The following FFAR4 variants were observed in gnomAD, a reference collection of about 807,000 sequenced individuals.
FFAR4 encodes the protein free fatty acid receptor 4, also known as G-protein coupled receptor 120.
In FFAR4, 19 loss-of-function variants were observed where a neutral mutation model predicts 27.0. That is an observed-to-expected ratio of 0.70 (90% confidence interval 0.49 to 1.03). The LOEUF is 1.03. Ranked by LOEUF, FFAR4 falls within the 50% of genes least tolerant of loss-of-function variation. The pLI, the probability that FFAR4 is intolerant of heterozygous loss-of-function variation, is 0.00. For synonymous variants in FFAR4, 254 were observed against 215.6 expected, an observed-to-expected ratio of 1.18 and a Z score of -1.56; for missense variants, 476 against 479.0, an observed-to-expected ratio of 0.99 and a Z score of 0.06.
At chr10:93,571,363 C>A (rs2058130735) in intron 1 of FFAR4, among the ~76,000 whole-genome samples, 2 of 152,218 alleles carry the variant, frequency 1.3e-5, no homozygotes, top group Admixed American at 1.3e-4. Context: ...TCCTTCTCTT[C>A]AAGGAGAAGC....
chr10:93,566,746 C>A lies in FFAR4; in HGVS notation c.26C>A (p.Ala9Glu). 1.2e-6 allele frequency: 2 copies of A among 1,601,042 alleles called. No individual in the cohort carries two copies. The highest frequency in any genetic ancestry group is 1.7e-6 in the Non-Finnish European group (2 of 1,176,630). ...ATGTCCCCTGAATGCGCGCGGGCAG[C>A]GGGCGACGCGCCCTTGCGCAGCCTG... is the stretch of plus-strand genomic sequence containing the variant. Reference protein sequence around the residue: MSPECARAAGDAPLRSLEQ... With the variant: MSPECARAEGDAPLRSLEQ... Residue 9 changes from alanine to glutamate, a missense_variant, in exon 1 of 3, where the codon GCG (alanine) becomes GAG (glutamate). Transcript: ENST00000371481.
At chr10:93,581,539 G>A (rs2058197466) in intron 2 of FFAR4, among the ~76,000 whole-genome samples, 1 of 152,086 alleles carries the variant, frequency 6.6e-6, no homozygotes, top group African/African-American at 2.4e-5. Flanking sequence ...GCATGGGGTG[G>A]CAGAAGGGTG....
At chr10:93,580,066 A>G (rs1314772705) in intron 2 of FFAR4, among the ~76,000 whole-genome samples, 1 of 152,220 alleles carries the variant, frequency 6.6e-6, no homozygotes, top group Non-Finnish European at 1.5e-5. Context: ...TGGTACCATG[A>G]GTTTGCCAGG....
chr10:93,580,597 A>G (rs1378287735), intron 2 of FFAR4, among the ~76,000 whole-genome samples: 1 of 152,190 alleles, frequency 6.6e-6, no homozygotes, highest in African/African-American at 2.4e-5. Context: ...CAGTAATAGA[A>G]TAGGTATCAT....
At chr10:93,569,603 A>G (rs1337341175) in intron 1 of FFAR4, among the ~76,000 whole-genome samples, 1 of 151,980 alleles carries the variant, frequency 6.6e-6, no homozygotes, top group Non-Finnish European at 1.5e-5. Context: ...TTAATGTTGA[A>G]ACACTTCCTT....
Position 93,579,117 on chromosome 10 carries a change from G to A in FFAR4, c.696+2898G>A, listed in dbSNP as rs780389161. 4 of 1,593,874 alleles carry A rather than the reference G, an allele frequency of 2.5e-6. No homozygotes were observed. The East Asian group carries it at 6.7e-5, about 27-fold the overall frequency. ...CAGCAGTTTACTCTCGAAGCACCTT[G>A]TGTCTAAACCCACAGCCGGCCTTCA... On this transcript the variant is annotated intron_variant, in intron 2 of 2. Transcript: ENST00000371481.
chr10:93,567,641 G>A (rs1481024433), intron 1 of FFAR4, among the ~76,000 whole-genome samples: 2 of 152,130 alleles, frequency 1.3e-5, no homozygotes, highest in African/African-American at 2.4e-5. Flanking sequence ...CTACAATACT[G>A]TTATTATCAC....
intron 2 of FFAR4, among the ~76,000 whole-genome samples, chr10:93,577,585 G>A (rs767288275): frequency 3.9e-5 from 6 of 152,194 alleles, no homozygotes; most frequent in African/African-American, 7.2e-5. Context: ...CAGTGCTTGC[G>A]ATGGGACCAG....
chr10:93,574,397 G>A (rs946703908), intron 1 of FFAR4, among the ~76,000 whole-genome samples: 5 of 152,164 alleles, frequency 3.3e-5, no homozygotes, highest in Admixed American at 1.3e-4. Flanking sequence ...GAATAGGAAT[G>A]AGAGACCAAG....
intron 2 of FFAR4, among the ~76,000 whole-genome samples, chr10:93,582,935 A>C (rs2058206770): frequency 6.6e-6 from 1 of 152,148 alleles, no homozygotes; most frequent in African/African-American, 2.4e-5. Flanking sequence ...TAAAACCATC[A>C]GATCTCATGA....
In FFAR4 at chr10:93,576,131, G is replaced by C. The variant is rs1348534138; in HGVS notation, c.608G>C (p.Gly203Ala). 6.2e-7 allele frequency: 1 copy of C among 1,613,840 alleles called. No homozygotes were observed. Among genetic ancestry groups the C allele is most frequent in the Non-Finnish European group, 8.5e-7 (1 of 1,179,842 alleles). ...ICTLIWPTIPGEISWDVSFVT... is the reference protein window; with the variant it reads ...ICTLIWPTIPAEISWDVSFVT... Reference sequence around the variant, plus strand: ...ACACTGATTTGGCCCACCATTCCTGGAGAGATCTCGTGGGATGTCTCTTTT... The same window carrying C: ...ACACTGATTTGGCCCACCATTCCTGCAGAGATCTCGTGGGATGTCTCTTTT... The change falls in exon 2 of 3, where the codon GGA becomes GCA. Residue 203 changes from glycine (G) to alanine (A), a missense_variant. Transcript: ENST00000371481.
At position 93,587,022 on chromosome 10, in the gene FFAR4, G is replaced by A. The variant is rs115568086; in HGVS notation, c.697-198G>A. On this transcript the variant is annotated intron_variant, in intron 2 of 2. Transcript: ENST00000371481. ...TCATAACGCTGTTTAGAAGGTAGGT[G>A]ATTTTCTGCTTTATTTCTCAGGAGT... Among the ~76,000 whole-genome samples the A allele has an allele frequency of 6.1e-3, 928 of 152,302 alleles. 14 individuals carry two copies. Among genetic ancestry groups the A allele is most frequent in the African/African-American group, 0.021 (875 of 41,562 alleles).
chr10:93,571,902 A>C (rs2058133906), intron 1 of FFAR4, among the ~76,000 whole-genome samples: 1 of 152,158 alleles, frequency 6.6e-6, no homozygotes, highest in South Asian at 2.1e-4. Flanking sequence ...CATCAGAGAG[A>C]CTGATAGGCA....
rs1331148674 is a variant in FFAR4, at chr10:93,567,235, C to T, written c.515C>T (p.Pro172Leu). ...GGCTATTCGGCGGTCGCCGCTCTGCCTCTCTGCGTCTTCTTCCGAGTCGTC... is the reference window on the plus strand; with the variant it reads ...GGCTATTCGGCGGTCGCCGCTCTGCTTCTCTGCGTCTTCTTCCGAGTCGTC... ...IWGYSAVAAL[P>L]LCVFFRVVPQ... Residue 172 changes from proline to leucine, a missense_variant, in exon 1 of 3, where the codon CCT becomes CTT. Physicochemically the swap from Pro to Leu is moderately conservative, Grantham distance 98. Coordinates refer to ENST00000371481, the MANE Select transcript of FFAR4 (RefSeq NM_001195755.2). The T allele has an allele frequency of 1.2e-6, 2 of 1,601,274 alleles. No individual in the cohort carries two copies. Among genetic ancestry groups the T allele is most frequent in the African/African-American group, 2.7e-5 (2 of 74,910 alleles).
chr10:93,574,058 T>G (rs1022397455), intron 1 of FFAR4, among the ~76,000 whole-genome samples: 1 of 152,206 alleles, frequency 6.6e-6, no homozygotes, highest in Non-Finnish European at 1.5e-5. Flanking sequence ...TTTTTTTCTG[T>G]GCATGCGAGC....
chr10:93,567,256 T>A lies in FFAR4; in HGVS notation c.536T>A (p.Val179Asp). The change falls in exon 1 of 3, where the codon GTC becomes GAC. Residue 179 changes from valine (V) to aspartate (D), a missense_variant. Transcript: ENST00000371481. ...AALPLCVFFRVVPQRLPGADQ... is the reference protein window; with the variant it reads ...AALPLCVFFRDVPQRLPGADQ... ...CTGCCTCTCTGCGTCTTCTTCCGAG[T>A]CGTCCCGCAACGGCTCCCCGGCGCC... 6.2e-7 allele frequency: 1 copy of A among 1,600,528 alleles called. No homozygotes were observed. Among genetic ancestry groups the A allele is most frequent in the South Asian group, 1.1e-5 (1 of 90,996 alleles).
At chr10:93,571,287 C>T (rs2058130360) in intron 1 of FFAR4, among the ~76,000 whole-genome samples, 1 of 152,180 alleles carries the variant, frequency 6.6e-6, no homozygotes, top group African/African-American at 2.4e-5. Context: ...GCTGCCCATT[C>T]ATTCTGCAAA....
intron 2 of FFAR4, among the ~76,000 whole-genome samples, chr10:93,579,883 G>A (rs74231321): frequency 1.1e-4 from 17 of 152,200 alleles, no homozygotes; most frequent in Non-Finnish European, 2.1e-4. Context: ...CCTCAGTTTC[G>A]CAGGAGCCAA....
At chr10:93,579,136 G>A (rs1012976910) in intron 2 of FFAR4, 2 of 1,612,812 alleles carry the variant, frequency 1.2e-6, no homozygotes, top group African/African-American at 1.3e-5. Context: ...CCCACAGCCG[G>A]CCTTCACTTC....
Sources: allele counts gnomAD v4.1 joint callset (sites outside exome capture counted in the v4.1 genomes callset), GRCh38; gene constraint gnomAD v4.1.1; transcripts MANE v1.5; gene names NCBI Gene and HGNC (gene_info 2026-07-23, HGNC 2026-07-21).